Variants in ABCA9 observed in about 807,000 individuals in gnomAD.
ABCA9 encodes ATP binding cassette subfamily A member 9, also known as ATP-binding cassette sub-family A member 9.
In ABCA9, 183 loss-of-function variants were observed where a neutral mutation model predicts 205.3. The ratio of observed to expected loss-of-function variants is 0.89; its 90% confidence interval spans 0.79 to 1.01. The LOEUF is 1.01. ABCA9 is among the 50% of genes least tolerant of loss of function. The pLI, the probability that ABCA9 is intolerant of heterozygous loss-of-function variation, is 0.00. For synonymous variants in ABCA9, 651 were observed against 683.3 expected, an observed-to-expected ratio of 0.95 and a Z score of 0.74; for missense variants, 1,805 against 1,912.4, an observed-to-expected ratio of 0.94 and a Z score of 1.05.
At chr17:69,041,994 A>G (rs539710584) in intron 6 of ABCA9, among the ~76,000 whole-genome samples, 2 of 152,296 alleles carry the variant, frequency 1.3e-5, no homozygotes, top group Admixed American at 6.5e-5. Context: ...TGCATTCTAC[A>G]TATCTTATTT....
intron 21 of ABCA9, 55 bp downstream of exon 21, chr17:69,017,601 A>T (rs567537497): frequency 5.0e-6 from 8 of 1,592,546 alleles, no homozygotes; most frequent in Non-Finnish European, 6.8e-6. Context: ...AATTATTCAA[A>T]TTGTACACCC....
chr17:68,993,864 T>C (rs1336973207), intron 26 of ABCA9, among the ~76,000 whole-genome samples: 1 of 152,170 alleles, frequency 6.6e-6, no homozygotes, highest in Admixed American at 6.5e-5. Flanking sequence ...AGATCTCTAC[T>C]CTCTCTGCTG....
chr17:69,022,317 T>C (rs1012787795), intron 17 of ABCA9: 3 of 151,532 alleles, frequency 2.0e-5, no homozygotes, highest in African/African-American at 2.4e-5. Flanking sequence ...TTTAAAAACA[T>C]GTAAAATTTC....
chr17:69,047,724 C>A (rs150791509), intron 3 of ABCA9, among the ~76,000 whole-genome samples: 38 of 152,288 alleles, frequency 2.5e-4, no homozygotes, highest in African/African-American at 8.9e-4. Flanking sequence ...TGGCAAAGGT[C>A]ACAAGACATG....
At chr17:68,980,939 AAAAG>A in intron 37 of ABCA9, among the ~76,000 whole-genome samples, 1 of 152,198 alleles carries the variant, frequency 6.6e-6, no homozygotes. Context: ...AAAAAAAAAA[AAAAG>A]GAAGGAAATC....
chr17:69,071,097 G>A, the ABCA9 span, among the ~76,000 whole-genome samples: 2 of 152,192 alleles, frequency 1.3e-5, no homozygotes, highest in Non-Finnish European at 2.9e-5. Context: ...CCAATCAGGG[G>A]CTTATAGATA....
chr17:69,001,477 A>C (rs568323085), intron 25 of ABCA9, among the ~76,000 whole-genome samples: 3 of 147,088 alleles, frequency 2.0e-5, no homozygotes, highest in African/African-American at 7.6e-5. Context: ...CCACTTGATC[A>C]TGGTGGATAA....
At chr17:69,029,746 A>C (rs1483994210) in intron 10 of ABCA9, among the ~76,000 whole-genome samples, 1 of 152,206 alleles carries the variant, frequency 6.6e-6, no homozygotes, top group African/African-American at 2.4e-5. Context: ...GATGACATTA[A>C]TTATCACACA....
At chr17:69,030,191 A>G (rs1598393501) in intron 10 of ABCA9, among the ~76,000 whole-genome samples, 1 of 152,362 alleles carries the variant, frequency 6.6e-6, no homozygotes, top group East Asian at 1.9e-4. Context: ...ATAACAAAAT[A>G]CCATAGACTA....
At position 69,049,306 on chromosome 17, in the gene ABCA9, A is replaced by G. The variant is rs1173588737; in HGVS notation, c.281T>C (p.Val94Ala). 6.2e-7 allele frequency: 1 copy of G among 1,612,944 alleles called. No homozygotes were observed. Among genetic ancestry groups the G allele is most frequent in the South Asian group, 1.1e-5 (1 of 90,914 alleles). ...ACCTTTTAGGAATGGGGCTGAAGCC[A>G]CTTTGTTCATTATCTCTTGGGTAGT... is the stretch of plus-strand genomic sequence containing the variant. ...SKTTQEIMNKVASAPFLKGRT... is the reference protein window; with the variant it reads ...SKTTQEIMNKAASAPFLKGRT... The change falls in exon 3 of 39, where the codon GTG becomes GCG. Residue 94 changes from valine (V) to alanine (A), a missense_variant. Transcript: ENST00000340001.
chr17:69,018,347 T>C, intron 20 of ABCA9, 66 bp downstream of exon 20: 1 of 1,344,246 alleles, frequency 7.4e-7, no homozygotes, highest in Non-Finnish European at 9.8e-7. Context: ...TGGCTGTTCA[T>C]GTTTTTTGGG....
the ABCA9 span, chr17:69,078,764 T>C: frequency 2.6e-6 from 1 of 382,084 alleles, no homozygotes; most frequent in South Asian, 7.8e-5. Flanking sequence ...GTGACTTTAC[T>C]AATATTTTGT....
At chr17:68,978,858 TC>T (rs1484368077) in intron 37 of ABCA9, among the ~76,000 whole-genome samples, 7 of 152,062 alleles carry the variant, frequency 4.6e-5, no homozygotes, top group Non-Finnish European at 1.0e-4. Flanking sequence ...CTGGAAGCAT[TC>T]CCTTTGAAAA....
chr17:69,024,039 A>T (rs1296571526), intron 17 of ABCA9, among the ~76,000 whole-genome samples, 175 bp downstream of exon 17: 1 of 152,216 alleles, frequency 6.6e-6, no homozygotes, highest in Non-Finnish European at 1.5e-5. Flanking sequence ...TAAGTAGCAT[A>T]TGGATAATAC....
intron 1 of ABCA9, among the ~76,000 whole-genome samples, chr17:69,052,651 C>A (rs1704381060): frequency 6.6e-6 from 1 of 152,168 alleles, no homozygotes; most frequent in African/African-American, 2.4e-5. Context: ...TTCTCCAGTT[C>A]TCTGTGGACA....
chr17:69,026,743 A>G (rs571236393), intron 15 of ABCA9, among the ~76,000 whole-genome samples: 1 of 152,328 alleles, frequency 6.6e-6, no homozygotes, highest in Admixed American at 6.5e-5. Flanking sequence ...AACAAATTGT[A>G]TCTTAGAAAG....
At chr17:69,071,451 G>T in the ABCA9 span, among the ~76,000 whole-genome samples, 1 of 152,216 alleles carries the variant, frequency 6.6e-6, no homozygotes, top group Admixed American at 6.5e-5. Context: ...CAGGCAAACA[G>T]GGTCTGGAGT....
intron 10 of ABCA9, 115 bp downstream of exon 10, chr17:69,031,993 G>T: frequency 2.3e-6 from 2 of 886,704 alleles, no homozygotes; most frequent in Non-Finnish European, 3.5e-6. Context: ...CAGCAGGCTG[G>T]CTGTAGGTGG....
intron 28 of ABCA9, among the ~76,000 whole-genome samples, chr17:68,991,731 TC>T (rs1435636207): frequency 6.6e-6 from 1 of 152,208 alleles, no homozygotes; most frequent in Admixed American, 6.5e-5. Context: ...CTTTTCTGTT[TC>T]AAGATCCTCC....
Sources: allele counts gnomAD v4.1 joint callset (sites outside exome capture counted in the v4.1 genomes callset), GRCh38; gene constraint gnomAD v4.1.1; transcripts MANE v1.5; gene names NCBI Gene and HGNC (gene_info 2026-07-23, HGNC 2026-07-21).